DYRK1A: variants seen among roughly 807,000 people sequenced by gnomAD.
The protein encoded by DYRK1A is dual specificity tyrosine phosphorylation regulated kinase 1A.
A neutral mutation model predicts 79.7 loss-of-function variants in DYRK1A; 9 were observed. That is an observed-to-expected ratio of 0.11 (90% CI 0.07 to 0.20). The LOEUF (loss-of-function observed/expected upper bound fraction) is 0.20. DYRK1A is among the 10% of genes least tolerant of loss of function. The pLI is 1.00. For missense variants in DYRK1A, 622 were observed against 956.0 expected (o/e 0.65, Z 4.61); for synonymous variants, 349 against 329.7 (o/e 1.06, Z -0.63).
intron 2 of DYRK1A, among the ~76,000 whole-genome samples, chr21:37,461,290 A>C (rs956246548): frequency 1.3e-5 from 2 of 152,182 alleles, no homozygotes; most frequent in Non-Finnish European, 2.9e-5. Context: ...AAAATGGCAA[A>C]ACCACAACTA....
rs1182805489 is a variant in DYRK1A, at chr21:37,513,929, T to C, written c.*1398T>C. On this transcript the variant is annotated 3_prime_UTR_variant, in exon 12 of 12. Transcript: ENST00000647188. The stretch of plus-strand genomic sequence containing the variant: ...ATTTTTAAATGTCAGTTGAAAATTA[T>C]GGCTGTACTATTGCTTAAACAAAAC... 3 of 152,688 alleles carry C rather than the reference T, an allele frequency of 2.0e-5. No homozygotes were observed. The highest frequency in any genetic ancestry group is 4.8e-5 in the African/African-American group (2 of 41,474). 9.5% of individuals were successfully genotyped at this position (152,688 alleles called of 1,614,324 possible).
At chr21:37,394,486 C>T in intron 1 of DYRK1A, among the ~76,000 whole-genome samples, 1 of 152,140 alleles carries the variant, frequency 6.6e-6, no homozygotes, top group East Asian at 1.9e-4. Context: ...TCTCCAGCCA[C>T]TGGGCCGTGG....
At chr21:37,455,903 A>C (rs540521880) in intron 2 of DYRK1A, among the ~76,000 whole-genome samples, 1 of 152,318 alleles carries the variant, frequency 6.6e-6, no homozygotes, top group African/African-American at 2.4e-5. Context: ...CCAAAGCGAC[A>C]CAGAAGTTGG....
intron 1 of DYRK1A, among the ~76,000 whole-genome samples, chr21:37,403,753 C>T (rs1018897904): frequency 2.0e-5 from 3 of 150,296 alleles, no homozygotes; most frequent in African/African-American, 7.4e-5. Context: ...CTTAGCCTCC[C>T]AAACCATGCC....
At chr21:37,375,358 A>G (rs1238579316) in intron 1 of DYRK1A, among the ~76,000 whole-genome samples, 2 of 152,178 alleles carry the variant, frequency 1.3e-5, no homozygotes, top group Non-Finnish European at 2.9e-5. Flanking sequence ...CTTACTTGAC[A>G]TGATTAGAAG....
intron 2 of DYRK1A, among the ~76,000 whole-genome samples, chr21:37,449,120 G>A (rs1285605575): frequency 6.6e-6 from 1 of 152,148 alleles, no homozygotes; most frequent in African/African-American, 2.4e-5. Context: ...TTAACTTCTG[G>A]GAGGTAGTTT....
chr21:37,505,163 G>A, intron 9 of DYRK1A, 120 bp from the exon 10 acceptor site: 1 of 760,934 alleles, frequency 1.3e-6, no homozygotes. Context: ...ATTTAACTAT[G>A]AAGTGTCCTT....
At chr21:37,394,470 C>T (rs942291649) in intron 1 of DYRK1A, among the ~76,000 whole-genome samples, 1 of 152,110 alleles carries the variant, frequency 6.6e-6, no homozygotes, top group Non-Finnish European at 1.5e-5. Flanking sequence ...TACTTTATGG[C>T]AGGGGTCTCC....
At position 37,367,402 on chromosome 21, in the gene DYRK1A, T is replaced by C. The variant is rs2049330526; in HGVS notation, c.-303T>C. On this transcript the variant is annotated 5_prime_UTR_variant, in exon 1 of 12. Transcript: ENST00000647188. ...TGGAATCGGGGCCCGGGGACTGCGGTATTTGCCGGGGAGGGGGCTGTCGCC... is the reference window on the plus strand; with the variant it reads ...TGGAATCGGGGCCCGGGGACTGCGGCATTTGCCGGGGAGGGGGCTGTCGCC... 1 of 147,838 alleles carries C rather than the reference T, an allele frequency of 6.8e-6. No individual in the cohort carries two copies. The highest frequency in any genetic ancestry group is 2.1e-4 in the South Asian group (1 of 4,786). 9.2% of individuals were successfully genotyped at this position (147,838 alleles called of 1,614,324 possible). A position where few individuals can be genotyped will look rare whatever the true frequency, so the allele number is the denominator to read the frequency against.
intron 2 of DYRK1A, among the ~76,000 whole-genome samples, chr21:37,438,200 T>C (rs147568732): frequency 2.0e-4 from 31 of 152,310 alleles, no homozygotes; most frequent in African/African-American, 5.8e-4. Context: ...GAGTTTCTTA[T>C]ACATTTGATA....
At chr21:37,373,483 C>T (rs1349488983) in intron 1 of DYRK1A, among the ~76,000 whole-genome samples, 1 of 152,090 alleles carries the variant, frequency 6.6e-6, no homozygotes, top group South Asian at 2.1e-4. Context: ...GTGGCTTAAA[C>T]GAGAAATTTA....
intron 2 of DYRK1A, among the ~76,000 whole-genome samples, chr21:37,444,350 A>C (rs551952850): frequency 1.4e-4 from 21 of 152,228 alleles, no homozygotes; most frequent in African/African-American, 4.3e-4. Context: ...AAGAAAGATC[A>C]GTAACTGCAG....
chr21:37,399,040 T>C (rs914216284), intron 1 of DYRK1A, among the ~76,000 whole-genome samples: 2 of 152,118 alleles, frequency 1.3e-5, no homozygotes, highest in African/African-American at 4.8e-5. Context: ...ATGAAGGATG[T>C]GTCCCATTCC....
rs2053895954 is a variant in DYRK1A at position 37,517,795 on chromosome 21, G to A, written c.*5264G>A. 6.6e-6 allele frequency: 1 copy of A among 152,260 alleles called. No homozygotes were observed. Among genetic ancestry groups the A allele is most frequent in the Non-Finnish European group, 1.5e-5 (1 of 68,080 alleles). 9.4% of individuals were successfully genotyped at this position (152,260 alleles called of 1,614,324 possible). A position where few individuals can be genotyped will look rare whatever the true frequency, so the allele number is the denominator to read the frequency against. On this transcript the variant is annotated 3_prime_UTR_variant, in exon 12 of 12. Coordinates refer to ENST00000647188, the MANE Select transcript of DYRK1A (RefSeq NM_001347721.2). ...TCATCCACTCACTGTTGGACAGAAA[G>A]ACTGCAGAGAAGGGCACTGCTGGGG... is the stretch of plus-strand genomic sequence containing the variant.
chr21:37,399,553 C>G (rs1052229140), intron 1 of DYRK1A, among the ~76,000 whole-genome samples: 1 of 152,186 alleles, frequency 6.6e-6, no homozygotes, highest in Non-Finnish European at 1.5e-5. Flanking sequence ...TTTGTACTTT[C>G]ATGTTGTTGA....
At chr21:37,370,303 T>A (rs1223627940) in intron 1 of DYRK1A, among the ~76,000 whole-genome samples, 1 of 152,060 alleles carries the variant, frequency 6.6e-6, no homozygotes, top group Non-Finnish European at 1.5e-5. Context: ...TTTTTTTTTT[T>A]AAGAAATAGC....
intron 2 of DYRK1A, among the ~76,000 whole-genome samples, chr21:37,449,341 A>G (rs995127570): frequency 6.6e-6 from 1 of 152,230 alleles, no homozygotes; most frequent in African/African-American, 2.4e-5. Flanking sequence ...GACTGTTAGT[A>G]CAATGGGATA....
At chr21:37,467,000 A>G (rs1021662771) in intron 2 of DYRK1A, among the ~76,000 whole-genome samples, 2 of 152,064 alleles carry the variant, frequency 1.3e-5, no homozygotes, top group African/African-American at 4.8e-5. Flanking sequence ...GAAAACTACA[A>G]CTTAACAGAC....
rs10635582 is a variant in DYRK1A, at chr21:37,458,268, C to CTCTGTG, written c.11-14415_11-14414insCTGTGT. On this transcript the variant is annotated intron_variant, in intron 2 of 11. Coordinates refer to ENST00000647188, the MANE Select transcript of DYRK1A (RefSeq NM_001347721.2). ...TAGGGGAGGGCATCTGGGTAATTTA[C>CTCTGTG]TGTGTGTGTGTGTGTGTGTGTGTGT... Among the ~76,000 whole-genome samples the CTCTGTG allele has an allele frequency of 2.9e-3, 374 of 130,586 alleles. 1 individual carries two copies. The highest frequency in any genetic ancestry group is 9.8e-3 in the African/African-American group (341 of 34,822). 85.7% of individuals were successfully genotyped at this position (130,586 alleles called of 152,430 possible).
Sources: gnomAD v4.1 joint callset for allele counts (sites outside exome capture counted in the v4.1 genomes callset) on GRCh38, gnomAD v4.1.1 for gene constraint, MANE v1.5 for transcripts, NCBI Gene and HGNC (gene_info 2026-07-23, HGNC 2026-07-21) for gene names.